ROBO2: variants seen among roughly 807,000 people sequenced by gnomAD.
ROBO2 encodes the protein roundabout guidance receptor 2.
In ROBO2, 53 loss-of-function variants were observed where a neutral mutation model predicts 160.8. That is an observed-to-expected ratio of 0.33 (90% confidence interval 0.26 to 0.41). ROBO2 has a LOEUF of 0.41. Among genes scored for constraint, ROBO2 ranks in the 10% least tolerant of loss-of-function variants. The probability of loss-of-function intolerance (pLI) is 1.00; values close to 1 mark genes in which losing one functional copy is unlikely to be tolerated. For synonymous variants in ROBO2, 664 were observed against 611.7 expected (o/e 1.09, Z -1.26); for missense variants, 1,577 against 1,722.4 (o/e 0.92, Z 1.49).
chr3:77,237,444 T>TGTGTGTGTGTGTGG (rs1408483490), intron 2 of ROBO2, among the ~76,000 whole-genome samples: 1 of 149,748 alleles, frequency 6.7e-6, no homozygotes, highest in African/African-American at 2.5e-5. Context: ...TGTGTGTGTG[T>TGTGTGTGTGTGTGG]GGTGGTGATA....
intron 2 of ROBO2, among the ~76,000 whole-genome samples, chr3:76,499,534 C>T (rs2080346236): frequency 1.3e-5 from 2 of 152,236 alleles, no homozygotes; most frequent in Admixed American, 1.3e-4. Flanking sequence ...TCCTTCTGGA[C>T]AAACATTATG....
At chr3:77,293,939 G>C (rs149363376) in intron 2 of ROBO2, among the ~76,000 whole-genome samples, 610 of 142,540 alleles carry the variant, frequency 4.3e-3, no homozygotes, top group African/African-American at 0.016. Flanking sequence ...TAAAATTGAT[G>C]GTTAAACGGG....
chr3:76,821,478 A>G (rs1440787983), intron 2 of ROBO2, among the ~76,000 whole-genome samples: 1 of 151,970 alleles, frequency 6.6e-6, no homozygotes, highest in African/African-American at 2.4e-5. Context: ...ATACCTATCA[A>G]TTTATTCGAG....
intron 2 of ROBO2, among the ~76,000 whole-genome samples, chr3:76,625,159 A>G (rs1241430666): frequency 2.0e-5 from 3 of 152,176 alleles, no homozygotes; most frequent in African/African-American, 7.2e-5. Flanking sequence ...TGGATGTAAA[A>G]TACTAATTTA....
intron 2 of ROBO2, among the ~76,000 whole-genome samples, chr3:77,196,776 A>G (rs1331077974): frequency 6.6e-6 from 1 of 152,132 alleles, no homozygotes; most frequent in Non-Finnish European, 1.5e-5. Flanking sequence ...AGGCAAATGT[A>G]GAAAAATATG....
chr3:77,094,410 A>T (rs550070537), intron 1 of ROBO2, among the ~76,000 whole-genome samples: 2 of 152,248 alleles, frequency 1.3e-5, no homozygotes, highest in Admixed American at 6.5e-5. Flanking sequence ...TATGCTGTTG[A>T]TTCTTTCTTT....
chr3:77,433,484 T>TTG (rs1560820058), intron 2 of ROBO2, among the ~76,000 whole-genome samples: 6 of 60,638 alleles, frequency 9.9e-5, no homozygotes, highest in African/African-American at 3.3e-4. Flanking sequence ...CTCTGGCAAC[T>TTG]TGTATATATA....
intron 2 of ROBO2, among the ~76,000 whole-genome samples, chr3:77,120,766 A>C (rs1328689000): frequency 6.6e-6 from 1 of 152,150 alleles, no homozygotes; most frequent in Non-Finnish European, 1.5e-5. Context: ...GATAAGAAAA[A>C]GCAACTGAGC....
chr3:76,977,828 G>C (rs1184094132), intron 2 of ROBO2, among the ~76,000 whole-genome samples: 1 of 152,160 alleles, frequency 6.6e-6, no homozygotes, highest in Non-Finnish European at 1.5e-5. Context: ...TAAAGATACT[G>C]TCTTGGTAAA....
At chr3:77,589,344 A>G (rs2094129227) in intron 17 of ROBO2, among the ~76,000 whole-genome samples, 1 of 152,124 alleles carries the variant, frequency 6.6e-6, no homozygotes, top group South Asian at 2.1e-4. Context: ...AGTTTGAAAT[A>G]TAGCTTTTAG....
rs756361457 is a variant in ROBO2, at chr3:76,303,341, TTG to T, written c.109+365757_109+365758del. Among the ~76,000 whole-genome samples, 296 of 150,966 alleles carry T rather than the reference TTG, an allele frequency of 2.0e-3. 1 individual carries two copies. The highest frequency in any genetic ancestry group is 5.9e-3 in the African/African-American group (241 of 41,162). Reference sequence around the variant, plus strand: ...TCATTTTAAAAGGTTTAAACTTTAATTGTGTGTGTGTGTGTGTGTATATATAT... The same window carrying T: ...TCATTTTAAAAGGTTTAAACTTTAATTGTGTGTGTGTGTGTGTATATATAT... On this transcript the variant is annotated intron_variant, in intron 2 of 26. Coordinates refer to the ROBO2 transcript ENST00000487694.
chr3:76,621,720 T>G (rs1021481993), intron 2 of ROBO2, among the ~76,000 whole-genome samples: 1 of 152,208 alleles, frequency 6.6e-6, no homozygotes, highest in Admixed American at 6.5e-5. Flanking sequence ...AGGTACCACA[T>G]AAGTACTTGT....
chr3:76,457,563 A>G (rs2077837399), intron 2 of ROBO2, among the ~76,000 whole-genome samples: 1 of 152,084 alleles, frequency 6.6e-6, no homozygotes, highest in African/African-American at 2.4e-5. Context: ...TGGATCTGCC[A>G]TTCTGAGGAT....
At chr3:76,903,903 A>G (rs983891219) in intron 2 of ROBO2, among the ~76,000 whole-genome samples, 1 of 152,072 alleles carries the variant, frequency 6.6e-6, no homozygotes, top group East Asian at 1.9e-4. Context: ...GCCACTTGGC[A>G]TAAGAGGCAA....
intron 2 of ROBO2, among the ~76,000 whole-genome samples, chr3:76,947,499 A>G (rs1434590880): frequency 6.6e-6 from 1 of 152,146 alleles, no homozygotes; most frequent in African/African-American, 2.4e-5. Flanking sequence ...TTTTTCCTCC[A>G]ACACGTTTTT....
intron 2 of ROBO2, among the ~76,000 whole-genome samples, chr3:76,710,885 A>G (rs1456660260): frequency 6.6e-6 from 1 of 152,110 alleles, no homozygotes; most frequent in Non-Finnish European, 1.5e-5. Flanking sequence ...AACCAGACAA[A>G]AGAAAGTAGT....
intron 2 of ROBO2, among the ~76,000 whole-genome samples, chr3:77,360,601 AT>A (rs149519705): frequency 0.059 from 8,879 of 150,888 alleles, 863 homozygotes; most frequent in African/African-American, 0.2. Flanking sequence ...GCTAGGAGTA[AT>A]TTTTTTTCTT....
rs1449905064 is a variant in ROBO2, at chr3:77,180,414, C to CTA, written c.388+82075_388+82076insAT. Among the ~76,000 whole-genome samples the CTA allele has an allele frequency of 2.1e-3, 194 of 92,760 alleles. 2 individuals are homozygous for CTA. The highest frequency in any genetic ancestry group is 4.8e-3 in the Admixed American group (44 of 9,228). 60.9% of individuals were successfully genotyped at this position (92,760 alleles called of 152,430 possible). ...TCTCTCTCTCTCTCTCTCTCTCTCT[C>CTA]TCTATATATATATATATGTATTTTT... On this transcript the variant is annotated intron_variant, in intron 2 of 25. Coordinates refer to ENST00000461745, the Ensembl canonical transcript of ROBO2.
chr3:77,469,767 T>C (rs2083162096), intron 2 of ROBO2, among the ~76,000 whole-genome samples: 1 of 152,154 alleles, frequency 6.6e-6, no homozygotes, highest in African/African-American at 2.4e-5. Context: ...ATAAATGACA[T>C]TTTAAAATCA....
Sources: allele counts gnomAD v4.1 joint callset (sites outside exome capture counted in the v4.1 genomes callset), GRCh38; gene constraint gnomAD v4.1.1; transcripts MANE v1.5; gene names NCBI Gene and HGNC (gene_info 2026-07-23, HGNC 2026-07-21).